Variants in AFAP1 observed in about 807,000 individuals in gnomAD.
The protein encoded by AFAP1 is actin filament-associated protein 1.
Under a neutral mutation model 93.9 loss-of-function variants are expected in AFAP1, and 75 were observed. That is an observed-to-expected ratio of 0.80 (90% CI 0.66 to 0.97). The LOEUF (loss-of-function observed/expected upper bound fraction) is 0.97. Among genes scored for constraint, AFAP1 ranks in the 50% least tolerant of loss-of-function variants. The probability of loss-of-function intolerance (pLI) is 0.00; values close to 1 mark genes in which losing one functional copy is unlikely to be tolerated. For synonymous variants in AFAP1, 517 were observed against 430.7 expected, an observed-to-expected ratio of 1.20 and a Z score of -2.48; for missense variants, 1,201 against 1,050.8, an observed-to-expected ratio of 1.14 and a Z score of -1.98.
At chr4:7,781,314 ACT>A in intron 13 of AFAP1, 60 bp downstream of exon 13, 4 of 1,524,446 alleles carry the variant, frequency 2.6e-6, no homozygotes, top group Non-Finnish European at 3.5e-6. Flanking sequence ...AAGTTGCAAA[ACT>A]CTGTTGGAGC....
rs182177025 is a variant in AFAP1 at position 7,869,424 on chromosome 4, G to C, written c.128-705C>G. 5.3e-5 allele frequency among the ~76,000 whole-genome samples: 8 copies of C among 152,210 alleles called. No individual in the cohort carries two copies. The East Asian group carries it at 1.3e-3, about 26-fold the overall frequency. ...AGTAATAGGACAGACACCTTCCTGG[G>C]AATCAATAAATTTTTATTAAGTATC... On this transcript the variant is annotated intron_variant, in intron 2 of 17. Transcript: ENST00000420658.
chr4:7,923,902 C>G (rs546694800), intron 1 of AFAP1, among the ~76,000 whole-genome samples: 4 of 152,322 alleles, frequency 2.6e-5, no homozygotes, highest in African/African-American at 9.6e-5. Context: ...GTACGAGAAT[C>G]TGGGGGAGAC....
chr4:7,874,356 CT>C (rs869214535), intron 1 of AFAP1, among the ~76,000 whole-genome samples: 81 of 92,410 alleles, frequency 8.8e-4, no homozygotes, highest in African/African-American at 2.4e-3. Context: ...TTGCCTTTTT[CT>C]TTTTTTTTTT....
At chr4:7,811,265 G>A (rs1382458414) in intron 8 of AFAP1, among the ~76,000 whole-genome samples, 1 of 143,862 alleles carries the variant, frequency 7.0e-6, no homozygotes, top group Non-Finnish European at 1.5e-5. Flanking sequence ...TGGCTGCGGA[G>A]ATCACAGACA....
At chr4:7,792,718 C>A (rs1375321220) in intron 11 of AFAP1, among the ~76,000 whole-genome samples, 1 of 152,158 alleles carries the variant, frequency 6.6e-6, no homozygotes, top group Non-Finnish European at 1.5e-5. Context: ...CATCACGCTA[C>A]GCAGAACAGG....
At chr4:7,877,586 A>C (rs1049291100) in intron 1 of AFAP1, among the ~76,000 whole-genome samples, 3 of 152,206 alleles carry the variant, frequency 2.0e-5, no homozygotes, top group African/African-American at 4.8e-5. Flanking sequence ...TACGGTCACC[A>C]AGCCTCTCCA....
chr4:7,838,545 T>G lies in AFAP1; in HGVS notation c.705A>C (p.Glu235Asp). ...CTACCTTCAGCCACTGCTCGGCCTG[T>G]TCCTTGCTCTGGACGGCGAGAACAA... is the stretch of plus-strand genomic sequence containing the variant. ...DPLVLAVQSK[E>D]QAEQWLKVIK... is the part of the protein sequence containing the mutation. Residue 235 changes from glutamate (E) to aspartate (D), a missense_variant, in exon 6 of 18, where the codon GAA becomes GAC. By Grantham distance (45) the Glu-to-Asp change is conservative. Coordinates refer to ENST00000420658, the MANE Select transcript of AFAP1 (RefSeq NM_001134647.2). 6.2e-7 allele frequency: 1 copy of G among 1,613,868 alleles called. No individual in the cohort carries two copies. The highest frequency in any genetic ancestry group is 1.1e-5 in the South Asian group (1 of 91,046).
At chr4:7,900,663 G>C (rs116743394) in intron 1 of AFAP1, among the ~76,000 whole-genome samples, 163 of 152,296 alleles carry the variant, frequency 1.1e-3, no homozygotes, top group African/African-American at 3.9e-3. Flanking sequence ...GCTTCTGAAA[G>C]GGTACCTTGT....
Position 7,939,491 on chromosome 4 carries a change from C to G in AFAP1, c.-3+165G>C. The G allele has an allele frequency of 3.2e-6, 1 of 310,168 alleles. No homozygotes were observed. The highest frequency in any genetic ancestry group is 2.4e-5 in the South Asian group (1 of 41,366). 19.2% of individuals were successfully genotyped at this position (310,168 alleles called of 1,614,324 possible). A position where few individuals can be genotyped will look rare whatever the true frequency, so the allele number is the denominator to read the frequency against. Reference sequence around the variant, plus strand: ...GACGACCGGGACCCCCGCGCGGGCCCACGCGGCGTCGCAGCAGGCGCGGAG... The same window carrying G: ...GACGACCGGGACCCCCGCGCGGGCCGACGCGGCGTCGCAGCAGGCGCGGAG... On this transcript the variant is annotated intron_variant, in intron 1 of 17. Transcript: ENST00000420658. This position sits in a 1 kb window ranked among gnomAD's most constrained non-coding sequence, Gnocchi z 5.6.
rs993287764 is a variant in AFAP1, at chr4:7,820,660, G to C, written c.727-1489C>G. On this transcript the variant is annotated intron_variant, in intron 6 of 17. Coordinates refer to ENST00000420658, the MANE Select transcript of AFAP1 (RefSeq NM_001134647.2). The stretch of plus-strand genomic sequence containing the variant: ...TAAGGGAAGCGGAGAGACTAGGAGT[G>C]GGGGAGGAGGAGATGAGCAAAGGAA... Among the ~76,000 whole-genome samples, 20 of 152,250 alleles carry C rather than the reference G, an allele frequency of 1.3e-4. 1 individual carries two copies. The highest frequency in any genetic ancestry group is 6.2e-4 in the South Asian group (3 of 4,816).
intron 5 of AFAP1, among the ~76,000 whole-genome samples, chr4:7,839,268 C>T (rs1400420140): frequency 6.6e-6 from 1 of 151,872 alleles, no homozygotes; most frequent in African/African-American, 2.4e-5. Context: ...CCTGGGAGCC[C>T]GAGGCTGCAG....
intron 3 of AFAP1, among the ~76,000 whole-genome samples, chr4:7,860,839 C>T (rs765790096): frequency 9.2e-5 from 14 of 152,146 alleles, no homozygotes; most frequent in East Asian, 1.9e-4. Flanking sequence ...CACAAGCAGA[C>T]GCATCATTTC....
chr4:7,831,414 C>A (rs4234832), intron 6 of AFAP1, among the ~76,000 whole-genome samples: 14,304 of 144,054 alleles, frequency 0.099, 1,257 homozygotes, highest in East Asian at 0.5. Context: ...AAAAAAAATT[C>A]TTGCAATTAA....
At chr4:7,814,677 A>G (rs532771462) in intron 8 of AFAP1, among the ~76,000 whole-genome samples, 1 of 152,338 alleles carries the variant, frequency 6.6e-6, no homozygotes, top group African/African-American at 2.4e-5. Flanking sequence ...AAAGTCTGCA[A>G]CCGAGATGCT....
At chr4:7,812,425 G>A (rs373280310) in intron 8 of AFAP1, among the ~76,000 whole-genome samples, 2 of 152,160 alleles carry the variant, frequency 1.3e-5, no homozygotes, top group East Asian at 1.9e-4. Flanking sequence ...GGAATTCCTT[G>A]AATACTCCCT....
chr4:7,828,228 A>G (rs1721605544), intron 6 of AFAP1, among the ~76,000 whole-genome samples: 1 of 152,284 alleles, frequency 6.6e-6, no homozygotes, highest in South Asian at 2.1e-4. Context: ...ACAAGATGCT[A>G]AGAAATCCCT....
intron 6 of AFAP1, among the ~76,000 whole-genome samples, chr4:7,833,592 T>TA (rs1711896339): frequency 6.7e-6 from 1 of 148,864 alleles, no homozygotes; most frequent in Admixed American, 6.7e-5. Context: ...GAGATGTCTT[T>TA]TTTTTTTTTT....
chr4:7,845,758 C>A (rs1179499868), intron 4 of AFAP1, among the ~76,000 whole-genome samples: 1 of 152,198 alleles, frequency 6.6e-6, no homozygotes, highest in Non-Finnish European at 1.5e-5. Flanking sequence ...CCCTGCTTCA[C>A]AGGGCAGCCA....
chr4:7,868,995 AAGAG>A (rs1716753903), intron 2 of AFAP1, among the ~76,000 whole-genome samples: 1 of 151,498 alleles, frequency 6.6e-6, no homozygotes, highest in Admixed American at 6.6e-5. Context: ...AAGAAAAGAA[AAGAG>A]AAAGAGAAAG....
Sources: gnomAD v4.1 joint callset for allele counts (sites outside exome capture counted in the v4.1 genomes callset) on GRCh38, gnomAD v4.1.1 for gene constraint, Gnocchi (gnomAD v3.1) non-coding constraint, MANE v1.5 for transcripts, NCBI Gene and HGNC (gene_info 2026-07-23, HGNC 2026-07-21) for gene names.